Variants in CNBD1 observed in about 807,000 individuals in gnomAD.
The protein encoded by CNBD1 is cyclic nucleotide binding domain containing 1.
Under a neutral mutation model 54.4 loss-of-function variants are expected in CNBD1, and 71 were observed. The observed-to-expected ratio is 1.30, with a 90% CI of 1.08 to 1.59. The LOEUF is 1.59. Ranked by LOEUF, CNBD1 falls within the 40% of genes most tolerant of loss-of-function variation. The pLI, the probability that CNBD1 is intolerant of heterozygous loss-of-function variation, is 0.00. For missense variants in CNBD1, 659 were observed against 518.0 expected (o/e 1.27, Z -2.64); for synonymous variants, 182 against 170.7 (o/e 1.07, Z -0.51).
intron 3 of CNBD1, among the ~76,000 whole-genome samples, chr8:86,913,723 C>A (rs9649984): frequency 6.6e-6 from 1 of 151,968 alleles, no homozygotes; most frequent in Non-Finnish European, 1.5e-5. Flanking sequence ...AGACTTGTCC[C>A]GCTGTGCACG....
In CNBD1 at chr8:86,866,567, A is replaced by G. The variant is rs1450044752; in HGVS notation, c.72A>G (p.Pro24=). The change falls in exon 1 of 11, where the codon CCA becomes CCG. Residue 24 remains proline, a synonymous_variant. Coordinates refer to ENST00000518476, the MANE Select transcript of CNBD1 (RefSeq NM_173538.3). ...MTAINNVPPP[P]LHSIPNLKKS... The stretch of plus-strand genomic sequence containing the variant: ...CTATTAACAATGTGCCTCCTCCTCC[A>G]CTTCACAGTATACCAAGTGAGTGGG... 6.2e-7 allele frequency: 1 copy of G among 1,608,566 alleles called. No homozygotes were observed. The highest frequency in any genetic ancestry group is 1.3e-5 in the African/African-American group (1 of 74,816).
chr8:87,293,389 C>G (rs1248998547), intron 8 of CNBD1, among the ~76,000 whole-genome samples: 3 of 151,856 alleles, frequency 2.0e-5, no homozygotes, highest in Non-Finnish European at 4.4e-5. Context: ...GCTAAAAGAA[C>G]AAAAATTAGC....
intron 4 of CNBD1, among the ~76,000 whole-genome samples, chr8:86,990,240 T>C (rs1188719151): frequency 6.6e-6 from 1 of 152,176 alleles, no homozygotes; most frequent in Non-Finnish European, 1.5e-5. Flanking sequence ...CGGTTGTCTG[T>C]GTTTGTGGAA....
intron 6 of CNBD1, among the ~76,000 whole-genome samples, chr8:87,272,021 C>A (rs998824354): frequency 1.3e-5 from 2 of 151,788 alleles, no homozygotes; most frequent in South Asian, 4.2e-4. Context: ...ACAGGTATCA[C>A]ATGTGGGAGC....
intron 8 of CNBD1, among the ~76,000 whole-genome samples, chr8:87,299,301 G>T (rs769020591): frequency 6.6e-6 from 1 of 152,036 alleles, no homozygotes. Flanking sequence ...TCCTGGCCAT[G>T]CTTCTCTAGT....
intron 6 of CNBD1, among the ~76,000 whole-genome samples, chr8:87,257,056 A>G (rs186878308): frequency 9.9e-5 from 15 of 152,150 alleles, no homozygotes; most frequent in Admixed American, 2.6e-4. Context: ...GCTTTTATAC[A>G]ATCAGAAAAC....
In CNBD1 at chr8:87,182,461, T is replaced by C. The variant is rs1813377658; in HGVS notation, c.432-23532T>C. Among the ~76,000 whole-genome samples, 1 of 152,098 alleles carries C rather than the reference T, an allele frequency of 6.6e-6. No individual in the cohort carries two copies. The highest frequency in any genetic ancestry group is 1.5e-5 in the Non-Finnish European group (1 of 67,988). On this transcript the variant is annotated intron_variant, in intron 4 of 10. Coordinates refer to ENST00000518476, the MANE Select transcript of CNBD1 (RefSeq NM_173538.3). This position sits in a 1 kb window ranked among gnomAD's most constrained non-coding sequence, Gnocchi z 4.1. ...TAATTCTGTTTTAGTTTCTTTCAGA[T>C]ATTACCAAACCATTTTACACAATAG...
At chr8:87,327,632 G>C (rs935853279) in intron 8 of CNBD1, among the ~76,000 whole-genome samples, 1 of 152,198 alleles carries the variant, frequency 6.6e-6, no homozygotes, top group Non-Finnish European at 1.5e-5. Flanking sequence ...GCGCTTCCCA[G>C]GTGAGGCAGT....
intron 5 of CNBD1, among the ~76,000 whole-genome samples, chr8:87,211,216 A>G (rs1169462047): frequency 1.3e-5 from 2 of 152,152 alleles, no homozygotes; most frequent in Non-Finnish European, 2.9e-5. Context: ...ATGTTTTTCC[A>G]TTGCCTGTTT....
chr8:87,394,618 T>C (rs1295731539), intron 2 of CNBD1, among the ~76,000 whole-genome samples: 2 of 151,892 alleles, frequency 1.3e-5, no homozygotes, highest in African/African-American at 2.4e-5. Context: ...TCTACCCTTC[T>C]TCATAGATGC....
chr8:87,404,889 A>G (rs1393264671), intron 2 of CNBD1, among the ~76,000 whole-genome samples: 4 of 152,040 alleles, frequency 2.6e-5, no homozygotes, highest in Non-Finnish European at 4.4e-5. Flanking sequence ...TTAAAATGGC[A>G]TCTTTGCTTC....
At chr8:87,085,993 A>G (rs1377361507) in intron 4 of CNBD1, among the ~76,000 whole-genome samples, 1 of 152,106 alleles carries the variant, frequency 6.6e-6, no homozygotes, top group African/African-American at 2.4e-5. Flanking sequence ...GGATAGGGCA[A>G]AGGGATCATG....
At chr8:87,186,803 C>T (rs558373378) in intron 4 of CNBD1, among the ~76,000 whole-genome samples, 8 of 151,906 alleles carry the variant, frequency 5.3e-5, no homozygotes, top group African/African-American at 1.4e-4. Context: ...CTACTACAAA[C>T]GCATGCATAT....
chr8:87,169,957 T>C (rs1166207170), intron 4 of CNBD1, among the ~76,000 whole-genome samples: 1 of 152,138 alleles, frequency 6.6e-6, no homozygotes. Context: ...GTCATTAGTA[T>C]TTTGATAGGG....
rs1360094708 is a variant in CNBD1 at position 87,411,424 on chromosome 8, A to ATATG, written c.214-17119_214-17118insGTAT. Among the ~76,000 whole-genome samples the ATATG allele has an allele frequency of 2.1e-4, 30 of 142,068 alleles. No homozygotes were observed. The Middle Eastern group carries it at 0.011, about 51-fold the overall frequency. 93.2% of individuals were successfully genotyped at this position (142,068 alleles called of 152,430 possible). On this transcript the variant is annotated intron_variant, in intron 2 of 7. Coordinates refer to the CNBD1 transcript ENST00000521593. ...TATATATATATATATATATATATAT[A>ATATG]TATTTCATTCACACATATTTTTAAA... is the stretch of plus-strand genomic sequence containing the variant.
intron 8 of CNBD1, among the ~76,000 whole-genome samples, chr8:87,322,491 C>T (rs1454842546): frequency 1.6e-5 from 2 of 121,974 alleles, no homozygotes; most frequent in Non-Finnish European, 3.7e-5. Context: ...TTAATGATTG[C>T]CATTCTAACT....
intron 4 of CNBD1, among the ~76,000 whole-genome samples, chr8:87,010,220 C>T (rs578131038): frequency 1.4e-4 from 22 of 152,270 alleles, no homozygotes; most frequent in African/African-American, 5.3e-4. Flanking sequence ...TTTCCCCCCA[C>T]TTCCCTTGGT....
At chr8:86,869,062 A>G (rs1287112854) in intron 1 of CNBD1, among the ~76,000 whole-genome samples, 1 of 152,160 alleles carries the variant, frequency 6.6e-6, no homozygotes, top group Non-Finnish European at 1.5e-5. Context: ...AAGGCAAAGA[A>G]ATGGATTCTC....
At chr8:86,887,023 T>G (rs1808689991) in intron 1 of CNBD1, among the ~76,000 whole-genome samples, 1 of 152,170 alleles carries the variant, frequency 6.6e-6, no homozygotes, top group South Asian at 2.1e-4. Flanking sequence ...ACATTTGATC[T>G]TTAGAAGGAA....
Sources: gnomAD v4.1 joint callset for allele counts (sites outside exome capture counted in the v4.1 genomes callset) on GRCh38, gnomAD v4.1.1 for gene constraint, Gnocchi (gnomAD v3.1) non-coding constraint, MANE v1.5 for transcripts, NCBI Gene and HGNC (gene_info 2026-07-23, HGNC 2026-07-21) for gene names.